The following CMYA5 variants were observed in gnomAD, a reference collection of about 807,000 sequenced individuals.
The protein encoded by CMYA5 is cardiomyopathy-associated protein 5.
CMYA5 carries 246 observed loss-of-function variants against 318.9 expected under a neutral mutation model. That is an observed-to-expected ratio of 0.77 (90% CI 0.70 to 0.86). CMYA5 has a LOEUF of 0.86. Ranked by LOEUF, CMYA5 falls within the 40% of genes least tolerant of loss-of-function variation. The pLI is 0.00. For synonymous variants in CMYA5, 1,641 were observed against 1,729.5 expected (o/e 0.95, Z 1.27); for missense variants, 4,589 against 4,678.2 (o/e 0.98, Z 0.56).
In CMYA5 at chr5:79,731,646, G is replaced by A. The variant is rs199938689; in HGVS notation, c.2881G>A (p.Ala961Thr). 3.6e-4 allele frequency: 582 copies of A among 1,613,896 alleles called. 1 individual carries two copies. Among genetic ancestry groups the A allele is most frequent in the Non-Finnish European group, 4.7e-4 (551 of 1,179,830 alleles). The change falls in exon 2 of 13, where the codon GCA becomes ACA. Residue 961 changes from alanine (A) to threonine (T), a missense_variant. Physicochemically the swap from Ala to Thr is moderately conservative, Grantham distance 58. Coordinates refer to ENST00000446378, the MANE Select transcript of CMYA5 (RefSeq NM_153610.5). ...GTCAGAATTCTCATTTCCACCGTAT[G>A]CAACCCAGGAAGCAGAGAAAAGAGA... ...FVSEFSFPPY[A>T]TQEAEKREFE...
rs765988846 is a variant in CMYA5, at chr5:79,731,439, C to T, written c.2674C>T (p.Arg892Ter). 7.4e-6 allele frequency: 12 copies of T among 1,612,506 alleles called. No homozygotes were observed. The highest frequency in any genetic ancestry group is 1.3e-5 in the African/African-American group (1 of 74,900). Reference protein sequence around the residue: ...LSDEEAVELERYTPSSTSASE... With the variant: ...LSDEEAVELE ...AGACGAAGAGGCAGTCGAGTTGGAA[C>T]GATACACACCCTCTTCTACATCTGC... Residue 892 changes from arginine (R) to a stop codon, truncating the protein, a stop_gained, in exon 2 of 13, where the codon CGA (arginine) becomes TGA (stop). Coordinates refer to ENST00000446378, the MANE Select transcript of CMYA5 (RefSeq NM_153610.5). LOFTEE classifies it high-confidence loss of function.
At chr5:79,748,748 TG>T (rs1261878173) in intron 5 of CMYA5, among the ~76,000 whole-genome samples, 12 of 152,288 alleles carry the variant, frequency 7.9e-5, no homozygotes, top group Admixed American at 2.6e-4. Context: ...TTTGTCATGT[TG>T]CCCAGGCTGA....
At chr5:79,792,508 G>T (rs1829198372) in intron 11 of CMYA5, among the ~76,000 whole-genome samples, 1 of 152,098 alleles carries the variant, frequency 6.6e-6, no homozygotes, top group African/African-American at 2.4e-5. Context: ...ATAAATATCA[G>T]ACAGCTGGGC....
chr5:79,710,094 A>C (rs770460648), intron 1 of CMYA5, among the ~76,000 whole-genome samples: 1 of 152,018 alleles, frequency 6.6e-6, no homozygotes, highest in Non-Finnish European at 1.5e-5. Context: ...TCCTACTAAC[A>C]GTACATATTC....
At chr5:79,761,273 A>G (rs898025760) in intron 7 of CMYA5, among the ~76,000 whole-genome samples, 4 of 152,202 alleles carry the variant, frequency 2.6e-5, no homozygotes, top group African/African-American at 9.7e-5. Context: ...AAGTATTTCT[A>G]TAAATTGTGG....
At position 79,758,877 on chromosome 5, in the gene CMYA5, G is replaced by A. The variant is rs1369297003; in HGVS notation, c.11235G>A (p.Glu3745=). The change falls in exon 7 of 13, where the codon GAG becomes GAA. Residue 3745 remains glutamate, a synonymous_variant. Coordinates refer to ENST00000446378, the MANE Select transcript of CMYA5 (RefSeq NM_153610.5). ...IDSFQVYCME[E]PQDDQEVNEL... ...CATTTCAGGTTTACTGCATGGAGGAGCCACAAGATGATCAAGAAGTAAATG... is the reference window on the plus strand; with the variant it reads ...CATTTCAGGTTTACTGCATGGAGGAACCACAAGATGATCAAGAAGTAAATG... 3.1e-6 allele frequency: 5 copies of A among 1,592,228 alleles called. No homozygotes were observed. The highest frequency in any genetic ancestry group is 3.4e-6 in the Non-Finnish European group (4 of 1,169,926).
intron 1 of CMYA5, among the ~76,000 whole-genome samples, chr5:79,699,066 G>A (rs1027627350): frequency 6.6e-6 from 1 of 152,166 alleles, no homozygotes; most frequent in African/African-American, 2.4e-5. Context: ...GCTGGGGCAG[G>A]AGAATCGCTT....
intron 9 of CMYA5, among the ~76,000 whole-genome samples, chr5:79,776,820 T>C (rs1828947442): frequency 6.6e-6 from 1 of 150,416 alleles, no homozygotes; most frequent in Non-Finnish European, 1.5e-5. Context: ...TGTGGTACAC[T>C]GCAGTGACGA....
At chr5:79,712,823 G>T (rs1827424847) in intron 1 of CMYA5, among the ~76,000 whole-genome samples, 1 of 152,138 alleles carries the variant, frequency 6.6e-6, no homozygotes, top group Admixed American at 6.5e-5. Context: ...AGTGTAACAG[G>T]TGGGGAGAAG....
At position 79,717,998 on chromosome 5, in the gene CMYA5, C is replaced by T. The variant is rs1233724880; in HGVS notation, c.150-10917C>T. Among the ~76,000 whole-genome samples, 44 of 67,492 alleles carry T rather than the reference C, an allele frequency of 6.5e-4. 11 individuals carry two copies. Among genetic ancestry groups the T allele is most frequent in the African/African-American group, 3.7e-3 (40 of 10,846 alleles). 44.3% of individuals were successfully genotyped at this position (67,492 alleles called of 152,430 possible). A position where few individuals can be genotyped will look rare whatever the true frequency, so the allele number is the denominator to read the frequency against. Reference sequence around the variant, plus strand: ...CCGCCTCCCGGGTTCACGCCATTCTCCTGCCTCAGCCTCCCAAGTAGCTAG... The same window carrying T: ...CCGCCTCCCGGGTTCACGCCATTCTTCTGCCTCAGCCTCCCAAGTAGCTAG... On this transcript the variant is annotated intron_variant, in intron 1 of 12. Coordinates refer to ENST00000446378, the MANE Select transcript of CMYA5 (RefSeq NM_153610.5).
intron 1 of CMYA5, among the ~76,000 whole-genome samples, chr5:79,707,821 C>G (rs531538052): frequency 1.1e-4 from 17 of 152,290 alleles, no homozygotes; most frequent in African/African-American, 4.1e-4. Flanking sequence ...TACCAAAATA[C>G]CTAAGACTGA....
Position 79,732,123 on chromosome 5 carries a change from G to A in CMYA5, c.3358G>A (p.Glu1120Lys), listed in dbSNP as rs1479246725. The part of the protein sequence containing the change: ...AQKQKTQAYL[E>K]PESEDLIPSH... ...GAAGCAGAAAACTCAAGCATATTTA[G>A]AGCCTGAGTCTGAAGACTTGATTCC... The change falls in exon 2 of 13, where the codon GAG becomes AAG. Residue 1120 changes from glutamate (E) to lysine (K), a missense_variant. By Grantham distance (56) the Glu-to-Lys change is moderately conservative. Transcript: ENST00000446378. 1 of 1,613,900 alleles carries A rather than the reference G, an allele frequency of 6.2e-7. No individual in the cohort carries two copies. The highest frequency in any genetic ancestry group is 1.7e-5 in the Admixed American group (1 of 60,008).
At position 79,793,472 on chromosome 5, in the gene CMYA5, GT is replaced by G; in HGVS notation, c.11826del (p.Cys3942TrpfsTer31). Reference sequence around the variant, plus strand: ...GTGCTGGGTGAGGAGCTGCCTTCCTGTGGCCAGCATTACTGGGAAACCACAG... The same window carrying G: ...GTGCTGGGTGAGGAGCTGCCTTCCTGGGCCAGCATTACTGGGAAACCACAG... ...PSVLGEELPS[C>X]GQHYWETTVT... On this transcript the variant is annotated frameshift_variant, in exon 12 of 13. Transcript: ENST00000446378. LOFTEE classifies it high-confidence loss of function. 6.2e-7 allele frequency: 1 copy of G among 1,613,630 alleles called. No homozygotes were observed. Among genetic ancestry groups the G allele is most frequent in the South Asian group, 1.1e-5 (1 of 91,070 alleles).
In CMYA5 at chr5:79,763,164, C is replaced by G; in HGVS notation, c.11510C>G (p.Thr3837Ser). The G allele has an allele frequency of 1.2e-6, 2 of 1,612,224 alleles. No homozygotes were observed. Among genetic ancestry groups the G allele is most frequent in the South Asian group, 2.2e-5 (2 of 90,562 alleles). ...PTTPEATETY[T>S]LEYCRQHSPE... ...ACCCCAGAGGCCACGGAGACCTACA[C>G]TCTGGAGTACTGCAGACAGCACTCT... The change falls in exon 9 of 13, where the codon ACT (threonine) becomes AGT (serine). Residue 3837 changes from threonine (T) to serine (S), a missense_variant. By Grantham distance (58) the Thr-to-Ser change is moderately conservative (BLOSUM62 1). Transcript: ENST00000446378.
At chr5:79,788,078 ATT>A (rs1829111921) in intron 9 of CMYA5, among the ~76,000 whole-genome samples, 1 of 152,194 alleles carries the variant, frequency 6.6e-6, no homozygotes, top group South Asian at 2.1e-4. Flanking sequence ...GTACTATTGT[ATT>A]CATTGACAAT....
Position 79,733,399 on chromosome 5 carries a change from C to G in CMYA5, c.4634C>G (p.Pro1545Arg). 1 of 1,613,578 alleles carries G rather than the reference C, an allele frequency of 6.2e-7. No individual in the cohort carries two copies. Among genetic ancestry groups the G allele is most frequent in the Non-Finnish European group, 8.5e-7 (1 of 1,179,846 alleles). Reference sequence around the variant, plus strand: ...ATAAAGAAGAAAGAAACTGAACTTCCTTCATCACAAAATGTGTCACCTGCA... The same window carrying G: ...ATAAAGAAGAAAGAAACTGAACTTCGTTCATCACAAAATGTGTCACCTGCA... The part of the protein sequence containing the change: ...GEIKKKETEL[P>R]SSQNVSPASK... Residue 1545 changes from proline (P) to arginine (R), a missense_variant, in exon 2 of 13, where the codon CCT becomes CGT. Physicochemically the swap from Pro to Arg is moderately radical, Grantham distance 103. Transcript: ENST00000446378.
chr5:79,743,527 A>G (rs1405151229), intron 2 of CMYA5, among the ~76,000 whole-genome samples: 1 of 152,208 alleles, frequency 6.6e-6, no homozygotes, highest in Non-Finnish European at 1.5e-5. Flanking sequence ...TCTATAGTTC[A>G]TTAAAACAGG....
At chr5:79,715,595 C>T (rs1018447703) in intron 1 of CMYA5, among the ~76,000 whole-genome samples, 1 of 152,008 alleles carries the variant, frequency 6.6e-6, no homozygotes, top group Admixed American at 6.6e-5. Context: ...CCAACTATAG[C>T]TTATTATTAC....
intron 1 of CMYA5, among the ~76,000 whole-genome samples, chr5:79,708,487 TGGTGGCG>T (rs1827317627): frequency 6.6e-6 from 1 of 151,898 alleles, no homozygotes; most frequent in Non-Finnish European, 1.5e-5. Context: ...TAGCCAGGCG[TGGTGGCG>T]GGTGCCTGTA....
Sources: allele counts gnomAD v4.1 joint callset (sites outside exome capture counted in the v4.1 genomes callset), GRCh38; gene constraint gnomAD v4.1.1; transcripts MANE v1.5; gene names NCBI Gene and HGNC (gene_info 2026-07-23, HGNC 2026-07-21).